The following GRK5 variants were observed in gnomAD, a reference collection of about 807,000 sequenced individuals.
The protein encoded by GRK5 is g protein-coupled receptor kinase GRK5.
A neutral mutation model predicts 78.4 loss-of-function variants in GRK5; 40 were observed. The ratio of observed to expected loss-of-function variants is 0.51; its 90% CI spans 0.40 to 0.66. The LOEUF is 0.66. Among genes scored for constraint, GRK5 ranks in the 30% least tolerant of loss-of-function variants. The pLI is 0.00. For synonymous variants in GRK5, 289 were observed against 296.8 expected (o/e 0.97, Z 0.27); for missense variants, 598 against 759.9 (o/e 0.79, Z 2.50).
Position 119,266,253 on chromosome 10 carries a change from C to T in GRK5, c.52+58284C>T, listed in dbSNP as rs553249595. Among the ~76,000 whole-genome samples, 5 of 152,246 alleles carry T rather than the reference C, an allele frequency of 3.3e-5. No homozygotes were observed. In the East Asian group the frequency reaches 7.7e-4, roughly 24 times the overall value. The stretch of plus-strand genomic sequence containing the variant: ...GGCAGATCACCTGAGGTCAGGAGTT[C>T]GAGACCAGCCTGGCCAACATGGTGA... On this transcript the variant is annotated intron_variant, in intron 1 of 15. Coordinates refer to ENST00000392870, the MANE Select transcript of GRK5 (RefSeq NM_005308.3).
In GRK5 at chr10:119,378,975, C is replaced by T. The variant is rs1851670053; in HGVS notation, c.149-1840C>T. 6.6e-6 allele frequency among the ~76,000 whole-genome samples: 1 copy of T among 152,066 alleles called. No individual in the cohort carries two copies. Among genetic ancestry groups the T allele is most frequent in the South Asian group, 2.1e-4 (1 of 4,816 alleles). On this transcript the variant is annotated intron_variant, in intron 2 of 15. Coordinates refer to ENST00000392870, the MANE Select transcript of GRK5 (RefSeq NM_005308.3). The surrounding 1 kb of genome is among the most constrained non-coding windows in gnomAD (Gnocchi z 4.5). Reference sequence around the variant, plus strand: ...TAGCACTGTGGCCAGGAGACAGAGGCCTTTTGATTGGCTGTGACTGAGTCA... The same window carrying T: ...TAGCACTGTGGCCAGGAGACAGAGGTCTTTTGATTGGCTGTGACTGAGTCA...
At chr10:119,263,745 A>G (rs1276128794) in intron 1 of GRK5, among the ~76,000 whole-genome samples, 3 of 152,116 alleles carry the variant, frequency 2.0e-5, no homozygotes, top group Admixed American at 1.3e-4. Flanking sequence ...AACATGGTGA[A>G]ACCCCATCTC....
chr10:119,353,428 A>G (rs1399837795), intron 2 of GRK5, among the ~76,000 whole-genome samples: 1 of 152,228 alleles, frequency 6.6e-6, no homozygotes, highest in African/African-American at 2.4e-5. Context: ...TCAAACTGCT[A>G]TTAATATACT....
chr10:119,430,305 G>A lies in GRK5; in HGVS notation c.534-70G>A. ...ATACCCCACCCCAGCTGCTCTCAAT[G>A]TGCCACTGTTTCCTGTGGATTCTGA... On this transcript the variant is annotated intron_variant, in intron 6 of 15. Transcript: ENST00000392870. The surrounding 1 kb of genome is among the most constrained non-coding windows in gnomAD (Gnocchi z 4.5). 1.5e-6 allele frequency: 2 copies of A among 1,367,170 alleles called. No individual in the cohort carries two copies. The highest frequency in any genetic ancestry group is 1.2e-5 in the South Asian group (1 of 85,376). 84.7% of individuals were successfully genotyped at this position (1,367,170 alleles called of 1,614,324 possible).
chr10:119,286,177 CTCAAAAAATAGAGAGGAT>C (rs1203160199), intron 1 of GRK5, among the ~76,000 whole-genome samples: 3 of 151,010 alleles, frequency 2.0e-5, no homozygotes, highest in African/African-American at 7.4e-5. Context: ...TTCAAATGTA[CTCAAAAAATAGAGAGGAT>C]AGTGTAATGA....
intron 2 of GRK5, among the ~76,000 whole-genome samples, chr10:119,380,208 T>C (rs1175857922): frequency 6.6e-6 from 1 of 152,208 alleles, no homozygotes; most frequent in Non-Finnish European, 1.5e-5. Context: ...CAGATATGGT[T>C]TGAGCTACAG....
Position 119,213,885 on chromosome 10 carries a change from C to T in GRK5, c.52+5916C>T, listed in dbSNP as rs184479675. On this transcript the variant is annotated intron_variant, in intron 1 of 15. Coordinates refer to ENST00000392870, the MANE Select transcript of GRK5 (RefSeq NM_005308.3). ...GTTGAAGGACCCAGTGCGGAGGTGA[C>T]ATTCGGGTGTCAGCCTCAGATAATA... Among the ~76,000 whole-genome samples the T allele has an allele frequency of 1.4e-4, 21 of 152,316 alleles. No individual in the cohort carries two copies. The East Asian group carries it at 3.7e-3, about 27-fold the overall frequency.
chr10:119,443,038 CAT>C (rs1355949878), intron 11 of GRK5, among the ~76,000 whole-genome samples: 4 of 152,226 alleles, frequency 2.6e-5, no homozygotes, highest in Admixed American at 2.0e-4. Flanking sequence ...CAAACCAGCA[CAT>C]GTGTGGATGC....
chr10:119,390,099 T>A (rs61876089), intron 3 of GRK5, among the ~76,000 whole-genome samples: 1,730 of 152,250 alleles, frequency 0.011, 17 homozygotes, highest in South Asian at 0.016. Context: ...GAAACAATTC[T>A]GAGAGGGAAG....
At chr10:119,369,098 C>T (rs894302072) in intron 2 of GRK5, among the ~76,000 whole-genome samples, 1 of 152,118 alleles carries the variant, frequency 6.6e-6, no homozygotes, top group African/African-American at 2.4e-5. Context: ...TGAACTGGAC[C>T]TTACAGTTAA....
intron 9 of GRK5, 127 bp downstream of exon 9, chr10:119,436,968 C>A: frequency 1.2e-6 from 1 of 856,488 alleles, no homozygotes; most frequent in Non-Finnish European, 1.7e-6. Flanking sequence ...GGGGAGGATG[C>A]AGAGTCAGAC....
chr10:119,404,613 A>G (rs188213622), intron 4 of GRK5, among the ~76,000 whole-genome samples: 26 of 152,356 alleles, frequency 1.7e-4, no homozygotes, highest in Admixed American at 7.2e-4. Flanking sequence ...TTTGAAGGGA[A>G]AGGGTGTGTA....
chr10:119,444,693 C>T (rs1853108113), intron 12 of GRK5, among the ~76,000 whole-genome samples: 2 of 152,186 alleles, frequency 1.3e-5, no homozygotes, highest in South Asian at 2.1e-4. Flanking sequence ...GACTTCCTCT[C>T]CTCTCCCTGG....
At chr10:119,376,561 C>CTT (rs3064490) in intron 2 of GRK5, among the ~76,000 whole-genome samples, 15,837 of 104,154 alleles carry the variant, frequency 0.15, 1,288 homozygotes, top group East Asian at 0.35. Flanking sequence ...TCCCTAATGC[C>CTT]TTTTTTTTTT....
chr10:119,454,300 G>C (rs1189470147), intron 15 of GRK5, among the ~76,000 whole-genome samples: 1 of 152,182 alleles, frequency 6.6e-6, no homozygotes, highest in African/African-American at 2.4e-5. Context: ...AGACTTCTTG[G>C]TTATGTGGCA....
At chr10:119,350,465 C>T (rs1007946519) in intron 2 of GRK5, among the ~76,000 whole-genome samples, 8 of 152,154 alleles carry the variant, frequency 5.3e-5, no homozygotes, top group East Asian at 1.9e-4. Flanking sequence ...TCTCTGACAC[C>T]GAGGCTGGAT....
chr10:119,386,577 C>A (rs900359662), intron 3 of GRK5, among the ~76,000 whole-genome samples: 1 of 152,162 alleles, frequency 6.6e-6, no homozygotes, highest in Admixed American at 6.5e-5. Context: ...TGTGTCAGCA[C>A]GTCAAATGCT....
intron 1 of GRK5, among the ~76,000 whole-genome samples, chr10:119,245,832 A>G (rs936122509): frequency 6.6e-6 from 1 of 152,032 alleles, no homozygotes; most frequent in South Asian, 2.1e-4. Context: ...CCTGGCTAAC[A>G]TGATGAAACC....
chr10:119,399,577 G>A (rs1011964957), intron 4 of GRK5, among the ~76,000 whole-genome samples: 6 of 152,184 alleles, frequency 3.9e-5, no homozygotes, highest in African/African-American at 1.4e-4. Context: ...GAAGCTCTGT[G>A]AAAAAGAACC....
Sources: allele counts gnomAD v4.1 joint callset (sites outside exome capture counted in the v4.1 genomes callset), GRCh38; gene constraint gnomAD v4.1.1; non-coding constraint Gnocchi (gnomAD v3.1); transcripts MANE v1.5; gene names NCBI Gene and HGNC (gene_info 2026-07-23, HGNC 2026-07-21).